The following INTS9 variants were observed in gnomAD, a reference collection of about 807,000 sequenced individuals.
The protein encoded by INTS9 is protein related to CPSF subunits of 74 kDa.
Under a neutral mutation model 79.7 loss-of-function variants are expected in INTS9, and 55 were observed. That is an observed-to-expected ratio of 0.69 (90% confidence interval 0.56 to 0.86). INTS9 has a LOEUF of 0.86. Among genes scored for constraint, INTS9 ranks in the 40% least tolerant of loss-of-function variants. The probability of loss-of-function intolerance (pLI) is 0.00; values close to 1 mark genes in which losing one functional copy is unlikely to be tolerated. For missense variants in INTS9, 721 were observed against 831.5 expected, an observed-to-expected ratio of 0.87 and a Z score of 1.64; for synonymous variants, 319 against 325.2, an observed-to-expected ratio of 0.98 and a Z score of 0.20.
intron 6 of INTS9, among the ~76,000 whole-genome samples, chr8:28,817,872 T>A (rs1259415854): frequency 1.3e-5 from 2 of 149,312 alleles, no homozygotes; most frequent in African/African-American, 5.0e-5. Context: ...GTCCTTCACA[T>A]CCCTTGTAAG....
intron 6 of INTS9, among the ~76,000 whole-genome samples, chr8:28,824,418 C>G (rs1207227190): frequency 6.6e-6 from 1 of 152,194 alleles, no homozygotes; most frequent in African/African-American, 2.4e-5. Context: ...CTGGGCTTTT[C>G]TAGTGCAAGG....
intron 6 of INTS9, among the ~76,000 whole-genome samples, chr8:28,833,689 AG>A (rs1440401509): frequency 6.6e-6 from 1 of 151,958 alleles, no homozygotes; most frequent in African/African-American, 2.4e-5. Context: ...AAAAAAAAAA[AG>A]AAATCAAAAG....
At chr8:28,825,978 T>G (rs2131126400) in intron 6 of INTS9, among the ~76,000 whole-genome samples, 1 of 152,312 alleles carries the variant, frequency 6.6e-6, no homozygotes, top group South Asian at 2.1e-4. Flanking sequence ...ATCAGAATGA[T>G]GACAGAAACA....
At chr8:28,843,168 G>A (rs983024521) in intron 4 of INTS9, among the ~76,000 whole-genome samples, 2 of 152,208 alleles carry the variant, frequency 1.3e-5, no homozygotes, top group African/African-American at 4.8e-5. Flanking sequence ...TGTTGTACAA[G>A]CCAAAGACTG....
chr8:28,801,941 A>G (rs1243191530), intron 8 of INTS9, among the ~76,000 whole-genome samples: 5 of 152,146 alleles, frequency 3.3e-5, no homozygotes, highest in African/African-American at 1.2e-4. Flanking sequence ...ACCTCAAGAA[A>G]ATGAGCCAAT....
At chr8:28,770,822 G>T (rs1214401144) in intron 15 of INTS9, among the ~76,000 whole-genome samples, 160 bp downstream of exon 15, 1 of 152,246 alleles carries the variant, frequency 6.6e-6, no homozygotes, top group East Asian at 1.9e-4. Context: ...ATGACGTGCG[G>T]CCTCATCTCT....
At chr8:28,804,056 TG>T (rs1296824540) in intron 8 of INTS9, among the ~76,000 whole-genome samples, 1 of 152,164 alleles carries the variant, frequency 6.6e-6, no homozygotes, top group East Asian at 1.9e-4. Context: ...CCTGAGTAGC[TG>T]GGACCACAGG....
chr8:28,824,278 C>T (rs1305546114), intron 6 of INTS9, among the ~76,000 whole-genome samples: 2 of 152,166 alleles, frequency 1.3e-5, no homozygotes, highest in Admixed American at 6.5e-5. Context: ...AGATCTTATG[C>T]ACACCTCCTC....
At position 28,770,035 on chromosome 8, in the gene INTS9, GAAGGA is replaced by G. The variant is rs1563235919; in HGVS notation, c.1663-14_1663-10del. ...GCGGGCCGAGGAGGGGGCTAGAGCA[GAAGGA>G]AAGAGTGGCTTTCATGAGCTTCCTC... On this transcript the variant is annotated splice_polypyrimidine_tract_variant and intron_variant, in intron 15 of 16. Coordinates refer to ENST00000521022, the MANE Select transcript of INTS9 (RefSeq NM_018250.4). 3.1e-6 allele frequency: 5 copies of G among 1,613,048 alleles called. No individual in the cohort carries two copies. The South Asian group carries it at 5.5e-5, about 18-fold the overall frequency.
At position 28,867,948 on chromosome 8, in the gene INTS9, T is replaced by C. The variant is rs150826559; in HGVS notation, c.10-8385A>G. ...GATGAAAAAAATGAGGCATAGGAAG[T>C]ATAAAACATTCACATGATCCCAAAG... is the stretch of plus-strand genomic sequence containing the variant. On this transcript the variant is annotated intron_variant, in intron 1 of 16. Coordinates refer to ENST00000521022, the MANE Select transcript of INTS9 (RefSeq NM_018250.4). Among the ~76,000 whole-genome samples the C allele has an allele frequency of 4.1e-3, 624 of 152,224 alleles. 4 individuals are homozygous for C. The highest frequency in any genetic ancestry group is 0.014 in the African/African-American group (571 of 41,520).
At chr8:28,849,653 C>T (rs1401214685) in intron 3 of INTS9, among the ~76,000 whole-genome samples, 3 of 152,128 alleles carry the variant, frequency 2.0e-5, no homozygotes, top group Non-Finnish European at 2.9e-5. Flanking sequence ...AAACACTCTG[C>T]TCCTGGACCG....
intron 1 of INTS9, among the ~76,000 whole-genome samples, chr8:28,867,611 T>C (rs1808831832): frequency 6.6e-6 from 1 of 150,586 alleles, no homozygotes; most frequent in South Asian, 2.1e-4. Context: ...TTAAAAGCAG[T>C]ATGAAATACT....
intron 5 of INTS9, among the ~76,000 whole-genome samples, chr8:28,835,845 G>A (rs1385020799): frequency 6.6e-6 from 1 of 150,848 alleles, no homozygotes; most frequent in Non-Finnish European, 1.5e-5. Context: ...TTTCGTTCTT[G>A]TTGCCCAGGC....
chr8:28,807,853 T>C (rs966596364), intron 8 of INTS9, among the ~76,000 whole-genome samples: 2 of 152,204 alleles, frequency 1.3e-5, no homozygotes, highest in African/African-American at 4.8e-5. Flanking sequence ...AACGTAGTAT[T>C]ATAGGGCTCA....
At chr8:28,793,204 C>G (rs868645251) in intron 10 of INTS9, among the ~76,000 whole-genome samples, 2 of 152,148 alleles carry the variant, frequency 1.3e-5, no homozygotes, top group South Asian at 4.1e-4. Flanking sequence ...TGGGAAGCAC[C>G]ATTCTAAGGC....
intron 3 of INTS9, 95 bp downstream of exon 3, chr8:28,850,118 A>AT: frequency 2.4e-6 from 2 of 831,468 alleles, no homozygotes; most frequent in East Asian, 2.6e-5. Context: ...AAAAAAAAAA[A>AT]GCCATCAGTC....
At chr8:28,854,487 G>A (rs1364488824) in intron 2 of INTS9, among the ~76,000 whole-genome samples, 3 of 152,152 alleles carry the variant, frequency 2.0e-5, no homozygotes, top group African/African-American at 7.2e-5. Flanking sequence ...AGTGAAGGTA[G>A]AGGAGATCTT....
At chr8:28,781,107 G>A in intron 11 of INTS9, 113 bp from the exon 12 acceptor site, 8 of 784,994 alleles carry the variant, frequency 1.0e-5, no homozygotes, top group Non-Finnish European at 1.6e-5. Context: ...AAGAAGACAA[G>A]CCACGGATTG....
intron 6 of INTS9, 39 bp downstream of exon 6, chr8:28,835,253 C>T (rs754586408): frequency 1.4e-6 from 2 of 1,406,556 alleles, no homozygotes; most frequent in Non-Finnish European, 2.0e-6. Context: ...AAGCACCTGG[C>T]TCTACAGTCT....
Sources: gnomAD v4.1 joint callset for allele counts (sites outside exome capture counted in the v4.1 genomes callset) on GRCh38, gnomAD v4.1.1 for gene constraint, MANE v1.5 for transcripts, NCBI Gene and HGNC (gene_info 2026-07-23, HGNC 2026-07-21) for gene names.